Variants in RNF17 observed in about 807,000 individuals in gnomAD.
The protein encoded by RNF17 is ring finger protein 17, also known as spermatogenesis associated 23.
RNF17 carries 31 observed loss-of-function variants against 200.5 expected under a neutral mutation model. That is an observed-to-expected ratio of 0.15 (90% CI 0.12 to 0.21). RNF17 has a LOEUF of 0.21. Among genes scored for constraint, RNF17 ranks in the 10% least tolerant of loss-of-function variants. The probability of loss-of-function intolerance (pLI) is 1.00; values close to 1 mark genes in which losing one functional copy is unlikely to be tolerated. For missense variants in RNF17, 1,628 were observed against 1,905.1 expected (o/e 0.85, Z 2.71); for synonymous variants, 606 against 637.8 (o/e 0.95, Z 0.75).
chr13:24,810,949 T>C (rs920819651), intron 15 of RNF17, among the ~76,000 whole-genome samples: 35 of 151,282 alleles, frequency 2.3e-4, no homozygotes, highest in African/African-American at 8.3e-4. Flanking sequence ...TTCTTTTCTT[T>C]AAGAATGTTG....
intron 6 of RNF17, among the ~76,000 whole-genome samples, chr13:24,784,910 T>C (rs1040140908): frequency 2.0e-5 from 3 of 152,072 alleles, no homozygotes; most frequent in African/African-American, 7.2e-5. Flanking sequence ...GGTTTCACTG[T>C]GTTAGCCAGG....
chr13:24,774,490 G>T (rs545963604), intron 2 of RNF17, among the ~76,000 whole-genome samples: 1 of 152,242 alleles, frequency 6.6e-6, no homozygotes, highest in African/African-American at 2.4e-5. Context: ...GATTACGGGC[G>T]TGAGCCCTCA....
At chr13:24,800,062 G>A (rs879628684) in intron 12 of RNF17, among the ~76,000 whole-genome samples, 1 of 152,076 alleles carries the variant, frequency 6.6e-6, no homozygotes, top group Admixed American at 6.5e-5. Context: ...ATCACTTAAT[G>A]GTTATAGCTT....
chr13:24,800,158 C>G (rs1450956200), intron 12 of RNF17, among the ~76,000 whole-genome samples: 1 of 113,686 alleles, frequency 8.8e-6, no homozygotes, highest in East Asian at 2.6e-4. Flanking sequence ...GCAAATGTAG[C>G]TGAGATTTCT....
At chr13:24,779,586 T>G (rs1474602530) in intron 4 of RNF17, 81 bp from the exon 5 acceptor site, 1 of 1,096,100 alleles carries the variant, frequency 9.1e-7, no homozygotes, top group Admixed American at 2.1e-5. Context: ...GTAGCCTGAA[T>G]TTTTTGCAAC....
intron 25 of RNF17, among the ~76,000 whole-genome samples, chr13:24,855,569 A>T (rs768867607): frequency 6.6e-6 from 1 of 152,056 alleles, no homozygotes; most frequent in Non-Finnish European, 1.5e-5. Flanking sequence ...CAGAGGTTGC[A>T]GTGAGCCCAG....
At chr13:24,775,867 T>C (rs577366034) in intron 3 of RNF17, among the ~76,000 whole-genome samples, 5 of 152,204 alleles carry the variant, frequency 3.3e-5, no homozygotes, top group Non-Finnish European at 7.4e-5. Flanking sequence ...TTATTCCCCT[T>C]TATATCTCTG....
chr13:24,751,709 G>A, the RNF17 span: 1 of 152,128 alleles, frequency 6.6e-6, no homozygotes, highest in Non-Finnish European at 1.5e-5. Flanking sequence ...TGAATCTTCT[G>A]CACTTGCTCC....
At position 24,844,676 on chromosome 13, in the gene RNF17, T is replaced by G. The variant is rs1189121636; in HGVS notation, c.2856T>G (p.Ala952=). ...LNSLEEKMIA[A]YENSKWEPVK... is the part of the protein sequence containing the mutation. ...GTTTAGAAGAAAAGATGATAGCTGC[T>G]TATGAAAACTCAAAATGGGAACCTG... Residue 952 remains alanine, a synonymous_variant, in exon 21 of 36, where the codon GCT becomes GCG. Transcript: ENST00000255324. 2 of 1,603,278 alleles carry G rather than the reference T, an allele frequency of 1.2e-6. No homozygotes were observed. Among genetic ancestry groups the G allele is most frequent in the South Asian group, 2.2e-5 (2 of 90,414 alleles).
At chr13:24,777,995 C>G (rs1453572374) in intron 3 of RNF17, among the ~76,000 whole-genome samples, 1 of 152,154 alleles carries the variant, frequency 6.6e-6, no homozygotes, top group Non-Finnish European at 1.5e-5. Context: ...GGCACAGTGG[C>G]TCACACCTAT....
chr13:24,771,781 G>T (rs989313659), intron 2 of RNF17, among the ~76,000 whole-genome samples: 2 of 151,930 alleles, frequency 1.3e-5, no homozygotes, highest in African/African-American at 4.8e-5. Context: ...TGAGGTGGGT[G>T]GATCACATGA....
intron 22 of RNF17, among the ~76,000 whole-genome samples, chr13:24,847,625 G>A (rs9634409): frequency 0.2 from 29,805 of 152,032 alleles, 3,185 homozygotes; most frequent in South Asian, 0.32. Context: ...GGATTATGGC[G>A]TGAGTCACCA....
At chr13:24,856,762 C>G (rs1206817196) in intron 25 of RNF17, among the ~76,000 whole-genome samples, 2 of 152,154 alleles carry the variant, frequency 1.3e-5, no homozygotes, top group Admixed American at 6.5e-5. Context: ...CTGAAGATAG[C>G]CTATACTACT....
chr13:24,752,935 C>A, the RNF17 span, among the ~76,000 whole-genome samples: 36 of 152,222 alleles, frequency 2.4e-4, no homozygotes, highest in African/African-American at 7.2e-4. Context: ...TCCTCCCACC[C>A]TCCCTCGTTA....
At chr13:24,871,842 G>A (rs951223438) in intron 32 of RNF17, among the ~76,000 whole-genome samples, 8 of 151,838 alleles carry the variant, frequency 5.3e-5, no homozygotes, top group East Asian at 3.9e-4. Flanking sequence ...TATCTTGGCC[G>A]GTCTGGTCTC....
rs758700869 is a variant in RNF17 at position 24,793,098 on chromosome 13, A to G, written c.992A>G (p.Lys331Arg). 4 of 1,601,172 alleles carry G rather than the reference A, an allele frequency of 2.5e-6. No homozygotes were observed. The highest frequency in any genetic ancestry group is 3.4e-6 in the Non-Finnish European group (4 of 1,175,576). Residue 331 changes from lysine (K) to arginine (R), a missense_variant, in exon 10 of 36, where the codon AAA becomes AGA. By Grantham distance (26) the Lys-to-Arg change is conservative. Transcript: ENST00000255324. ...RQNVQKKYNN[K>R]KELSCYDTYP... ...AATGTTCAAAAGAAATATAATAACA[A>G]AAAGGAACTTTCTTGTTACGATACA...
Position 24,859,199 on chromosome 13 carries a change from C to T in RNF17, c.3774+35C>T, listed in dbSNP as rs767936828. On this transcript the variant is annotated intron_variant, in intron 26 of 35. Coordinates refer to ENST00000255324, the MANE Select transcript of RNF17 (RefSeq NM_031277.3). Reference sequence around the variant, plus strand: ...ATATTCTTTTGTGACAATTCTAAAGCTAAATGCTATAGCATTAAATAGTCT... The same window carrying T: ...ATATTCTTTTGTGACAATTCTAAAGTTAAATGCTATAGCATTAAATAGTCT... 2.6e-6 allele frequency: 4 copies of T among 1,516,326 alleles called. No homozygotes were observed. The Admixed American group carries it at 7.8e-5, about 30-fold the overall frequency. 93.9% of individuals were successfully genotyped at this position (1,516,326 alleles called of 1,614,324 possible). A position where few individuals can be genotyped will look rare whatever the true frequency, so the allele number is the denominator to read the frequency against.
At chr13:24,878,608 C>T (rs1895108549) in intron 34 of RNF17, among the ~76,000 whole-genome samples, 1 of 152,150 alleles carries the variant, frequency 6.6e-6, no homozygotes. Flanking sequence ...GTCCAAAAAC[C>T]AAAGAATCTG....
rs11840008 is a variant in RNF17 at position 24,823,535 on chromosome 13, A to G, written c.2092-2084A>G. On this transcript the variant is annotated intron_variant, in intron 15 of 35. Transcript: ENST00000255324. ...TTCCTTGAATGTCAGGAGCTGAAAC[A>G]AAGAAGAGACAGAGAAAGAGGAAGG... Among the ~76,000 whole-genome samples the G allele has an allele frequency of 2.8e-3, 416 of 150,670 alleles. 5 individuals are homozygous for G. The highest frequency in any genetic ancestry group is 9.7e-3 in the African/African-American group (401 of 41,400).
Sources: allele counts gnomAD v4.1 joint callset (sites outside exome capture counted in the v4.1 genomes callset), GRCh38; gene constraint gnomAD v4.1.1; transcripts MANE v1.5; gene names NCBI Gene and HGNC (gene_info 2026-07-23, HGNC 2026-07-21).